The following GRIN2A variants were observed in gnomAD, a reference collection of about 807,000 sequenced individuals.
GRIN2A encodes glutamate ionotropic receptor NMDA type subunit 2A.
A neutral mutation model predicts 113.4 loss-of-function variants in GRIN2A; 22 were observed. The observed-to-expected ratio is 0.19, with a 90% CI of 0.14 to 0.28. The LOEUF is 0.28. Ranked by LOEUF, GRIN2A falls within the 10% of genes least tolerant of loss-of-function variation. The probability of loss-of-function intolerance (pLI) is 1.00; values close to 1 mark genes in which losing one functional copy is unlikely to be tolerated. For synonymous variants in GRIN2A, 827 were observed against 738.4 expected (o/e 1.12, Z -1.94); for missense variants, 1,502 against 1,887.0 (o/e 0.80, Z 3.78).
At chr16:10,101,209 C>T (rs925838213) in intron 2 of GRIN2A, among the ~76,000 whole-genome samples, 2 of 152,224 alleles carry the variant, frequency 1.3e-5, no homozygotes, top group African/African-American at 4.8e-5. Context: ...GTCTGAAGCT[C>T]TCCCTTGCAC....
intron 3 of GRIN2A, among the ~76,000 whole-genome samples, chr16:9,900,036 T>C (rs2043887877): frequency 6.6e-6 from 1 of 152,168 alleles, no homozygotes; most frequent in Admixed American, 6.5e-5. Flanking sequence ...CTAAATGACG[T>C]CTAATGAGAT....
chr16:9,803,499 A>G (rs1001605378), intron 10 of GRIN2A, among the ~76,000 whole-genome samples: 6 of 152,234 alleles, frequency 3.9e-5, no homozygotes, highest in Non-Finnish European at 7.3e-5. Flanking sequence ...TTATATAAGT[A>G]AAGTATGTGT....
At chr16:10,161,364 A>T (rs752386120) in intron 2 of GRIN2A, among the ~76,000 whole-genome samples, 111 of 152,180 alleles carry the variant, frequency 7.3e-4, no homozygotes, top group Non-Finnish European at 1.5e-3. Context: ...TAAATTACCC[A>T]GTCTTGGGTA....
chr16:10,075,227 G>T (rs980951978), intron 2 of GRIN2A, among the ~76,000 whole-genome samples: 1 of 152,028 alleles, frequency 6.6e-6, no homozygotes, highest in South Asian at 2.1e-4. Flanking sequence ...TCACTTAAAG[G>T]TCCTCCTCCC....
At chr16:10,156,044 C>T (rs553173527) in intron 2 of GRIN2A, among the ~76,000 whole-genome samples, 1 of 152,300 alleles carries the variant, frequency 6.6e-6, no homozygotes, top group African/African-American at 2.4e-5. Context: ...GTAGGAGGGA[C>T]CCTGGACGAT....
intron 2 of GRIN2A, among the ~76,000 whole-genome samples, chr16:10,135,548 A>C (rs2049174114): frequency 1.3e-5 from 2 of 152,248 alleles, no homozygotes; most frequent in Admixed American, 6.5e-5. Context: ...TTGTTACAAC[A>C]GAGCCCTATT....
intron 11 of GRIN2A, among the ~76,000 whole-genome samples, chr16:9,773,091 T>C (rs1055523763): frequency 1.3e-4 from 20 of 152,326 alleles, no homozygotes; most frequent in African/African-American, 3.8e-4. Context: ...CTCAAGTATA[T>C]TGTAATCTCC....
chr16:9,991,887 C>T (rs1377173141), intron 2 of GRIN2A, among the ~76,000 whole-genome samples: 1 of 152,072 alleles, frequency 6.6e-6, no homozygotes, highest in African/African-American at 2.4e-5. Context: ...AGATCACACA[C>T]CAGGGCCTGT....
At chr16:10,176,610 A>T (rs2050153117) in intron 2 of GRIN2A, among the ~76,000 whole-genome samples, 1 of 150,594 alleles carries the variant, frequency 6.6e-6, no homozygotes, top group Non-Finnish European at 1.5e-5. Flanking sequence ...CAAAAAACCA[A>T]ACACCGCATG....
chr16:10,180,552 G>A lies in GRIN2A; in HGVS notation c.-18-123C>T. The A allele has an allele frequency of 6.7e-7, 1 of 1,491,126 alleles. No homozygotes were observed. Among genetic ancestry groups the A allele is most frequent in the Non-Finnish European group, 8.9e-7 (1 of 1,122,988 alleles). The allele number at this position is 1,491,126 out of a possible 1,614,324, so 92.4% of individuals were successfully genotyped here. On this transcript the variant is annotated intron_variant, in intron 1 of 12. Coordinates refer to ENST00000330684, the MANE Select transcript of GRIN2A (RefSeq NM_001134407.3). The surrounding 1 kb of genome is among the most constrained non-coding windows in gnomAD (Gnocchi z 7.0). ...AACTCAGCAGCAGGATAGGCTGCTG[G>A]GATCACGGACTCCATTCCGAGTCCC...
chr16:10,002,267 A>G (rs1310605403), intron 2 of GRIN2A, among the ~76,000 whole-genome samples: 1 of 152,216 alleles, frequency 6.6e-6, no homozygotes, highest in African/African-American at 2.4e-5. Context: ...AGTTCCTCTG[A>G]GCCCTTGGAA....
intron 10 of GRIN2A, among the ~76,000 whole-genome samples, chr16:9,820,280 G>C (rs1567322352): frequency 6.6e-6 from 1 of 152,098 alleles, no homozygotes; most frequent in African/African-American, 2.4e-5. Context: ...TTGTGCGCAT[G>C]GTCTGTCCAA....
In GRIN2A at chr16:9,759,924, C is replaced by A. The variant is rs1900502684; in HGVS notation, c.*3225G>T. 4.3e-6 allele frequency: 1 copy of A among 230,818 alleles called. No homozygotes were observed. Among genetic ancestry groups the A allele is most frequent in the African/African-American group, 2.2e-5 (1 of 45,196 alleles). The allele number at this position is 230,818 out of a possible 1,614,324, so 14.3% of individuals were successfully genotyped here. ...TTTATGCTCTAGAAGACTCTCTTAC[C>A]CAGAGTATTTTAAATTGGTTGCATG... On this transcript the variant is annotated 3_prime_UTR_variant, in exon 13 of 13. Transcript: ENST00000330684.
intron 2 of GRIN2A, among the ~76,000 whole-genome samples, chr16:10,061,691 T>A (rs185012561): frequency 8.7e-4 from 132 of 152,292 alleles, no homozygotes; most frequent in African/African-American, 2.9e-3. Flanking sequence ...CTTAGAAGGT[T>A]AGTAGTGGCA....
At chr16:9,982,704 A>T (rs2045913910) in intron 2 of GRIN2A, among the ~76,000 whole-genome samples, 1 of 152,180 alleles carries the variant, frequency 6.6e-6, no homozygotes, top group African/African-American at 2.4e-5. Flanking sequence ...AAGCTGTTCC[A>T]TCTTTGGCCA....
intron 12 of GRIN2A, among the ~76,000 whole-genome samples, chr16:9,768,097 C>T (rs1490330024): frequency 1.3e-5 from 2 of 152,124 alleles, no homozygotes; most frequent in Non-Finnish European, 2.9e-5. Context: ...CTCTTTCACC[C>T]AGGCTGGAGC....
At chr16:9,852,683 C>G (rs1325440474) in intron 4 of GRIN2A, among the ~76,000 whole-genome samples, 2 of 152,204 alleles carry the variant, frequency 1.3e-5, no homozygotes, top group Admixed American at 1.3e-4. Flanking sequence ...CTTTTCTCAT[C>G]TGATAGACCC....
chr16:10,141,061 G>A lies in GRIN2A; in HGVS notation c.414+38937C>T, dbSNP rs1457797391. Among the ~76,000 whole-genome samples, 3 of 152,268 alleles carry A rather than the reference G, an allele frequency of 2.0e-5. No homozygotes were observed. In the East Asian group the frequency reaches 5.8e-4, roughly 29 times the overall value. On this transcript the variant is annotated intron_variant, in intron 2 of 12. Coordinates refer to ENST00000330684, the MANE Select transcript of GRIN2A (RefSeq NM_001134407.3). ...TAAAAATAAGCAACCAGGCATGGTG[G>A]TATGCACCTGTAGTCCAAGCTACTC... is the stretch of plus-strand genomic sequence containing the variant.
chr16:10,111,743 T>A (rs556538984), intron 2 of GRIN2A: 6 of 1,519,682 alleles, frequency 3.9e-6, no homozygotes, highest in African/African-American at 1.4e-5. Context: ...CCCGTGGTGC[T>A]GAGCCCCTCA....
Sources: allele counts gnomAD v4.1 joint callset (sites outside exome capture counted in the v4.1 genomes callset), GRCh38; gene constraint gnomAD v4.1.1; non-coding constraint Gnocchi (gnomAD v3.1); transcripts MANE v1.5; gene names NCBI Gene and HGNC (gene_info 2026-07-23, HGNC 2026-07-21).